The following DPP10 variants were observed in gnomAD, a reference collection of about 807,000 sequenced individuals.
DPP10 encodes dipeptidyl peptidase like 10, also known as inactive dipeptidyl peptidase 10.
In DPP10, 33 loss-of-function variants were observed where a neutral mutation model predicts 120.9. The ratio of observed to expected loss-of-function variants is 0.27; its 90% CI spans 0.21 to 0.37. DPP10 has a LOEUF of 0.37. DPP10 is among the 10% of genes least tolerant of loss of function. The probability of loss-of-function intolerance (pLI) is 1.00; values close to 1 mark genes in which losing one functional copy is unlikely to be tolerated. For synonymous variants in DPP10, 337 were observed against 326.1 expected, an observed-to-expected ratio of 1.03 and a Z score of -0.36; for missense variants, 816 against 942.8, an observed-to-expected ratio of 0.87 and a Z score of 1.76.
At chr2:115,380,426 G>C (rs921634018) in intron 3 of DPP10, among the ~76,000 whole-genome samples, 7 of 151,946 alleles carry the variant, frequency 4.6e-5, no homozygotes, top group African/African-American at 1.7e-4. Flanking sequence ...TCCATCCTTT[G>C]GTTTTGAGCC....
intron 5 of DPP10, among the ~76,000 whole-genome samples, chr2:115,530,499 G>A (rs2078395285): frequency 6.6e-6 from 1 of 151,942 alleles, no homozygotes; most frequent in African/African-American, 2.4e-5. Context: ...GGCCAACATG[G>A]TGAAATGCCA....
At chr2:115,358,931 C>T (rs1278742982) in intron 3 of DPP10, among the ~76,000 whole-genome samples, 1 of 152,052 alleles carries the variant, frequency 6.6e-6, no homozygotes, top group African/African-American at 2.4e-5. Flanking sequence ...TGGATGTAAC[C>T]ACCCCCATGA....
At chr2:115,079,137 T>C (rs111522071) in intron 1 of DPP10, among the ~76,000 whole-genome samples, 8,866 of 152,110 alleles carry the variant, frequency 0.058, 315 homozygotes, top group East Asian at 0.15. Flanking sequence ...TCCCAGCACT[T>C]TGGGGCGCTG....
chr2:115,072,573 C>T (rs1707455868), intron 1 of DPP10, among the ~76,000 whole-genome samples: 2 of 152,108 alleles, frequency 1.3e-5, no homozygotes, highest in South Asian at 4.1e-4. Flanking sequence ...TGAATTAACA[C>T]TTTGCTTAAG....
At chr2:114,996,151 G>C (rs1262783586) in intron 1 of DPP10, among the ~76,000 whole-genome samples, 3 of 152,180 alleles carry the variant, frequency 2.0e-5, no homozygotes, top group Non-Finnish European at 2.9e-5. Context: ...TGTGGAAACT[G>C]AATGGCTTTG....
At chr2:115,002,710 A>G (rs1176250516) in intron 1 of DPP10, among the ~76,000 whole-genome samples, 1 of 152,214 alleles carries the variant, frequency 6.6e-6, no homozygotes, top group Non-Finnish European at 1.5e-5. Context: ...GAACATGAAC[A>G]GACACTTACC....
rs540358020 is a variant in DPP10 at position 114,462,509 on chromosome 2, G to A, written c.60+19671G>A. On this transcript the variant is annotated intron_variant, in intron 1 of 25. Coordinates refer to ENST00000410059, the MANE Select transcript of DPP10 (RefSeq NM_020868.6). ...GATTTTGTAGGATGTGACTCAAGTC[G>A]ATTTTGTCTGATGTTTTTCTCATAA... 3.9e-5 allele frequency among the ~76,000 whole-genome samples: 6 copies of A among 152,268 alleles called. No individual in the cohort carries two copies. In the East Asian group the frequency reaches 9.7e-4, roughly 25 times the overall value.
At chr2:114,871,927 T>A (rs1305937154) in intron 1 of DPP10, among the ~76,000 whole-genome samples, 1 of 152,206 alleles carries the variant, frequency 6.6e-6, no homozygotes, top group Admixed American at 6.5e-5. Context: ...TATTATGAAC[T>A]GTGCATGTGA....
At chr2:115,453,712 G>A (rs552596315) in intron 3 of DPP10, among the ~76,000 whole-genome samples, 63 of 151,402 alleles carry the variant, frequency 4.2e-4, no homozygotes, top group African/African-American at 1.3e-3. Flanking sequence ...AATATCCCTA[G>A]CTTAATCTTA....
chr2:115,392,599 A>G (rs2067392507), intron 3 of DPP10, among the ~76,000 whole-genome samples: 1 of 152,160 alleles, frequency 6.6e-6, no homozygotes, highest in East Asian at 1.9e-4. Context: ...TAATTTATAT[A>G]GGATATTATC....
At chr2:115,668,455 G>C (rs1310985096) in intron 5 of DPP10, among the ~76,000 whole-genome samples, 1 of 152,050 alleles carries the variant, frequency 6.6e-6, no homozygotes, top group Non-Finnish European at 1.5e-5. Flanking sequence ...CCAGATTCTG[G>C]TGTCATGTTC....
intron 1 of DPP10, among the ~76,000 whole-genome samples, chr2:114,907,121 T>G (rs1351908867): frequency 6.7e-6 from 1 of 150,120 alleles, no homozygotes; most frequent in East Asian, 2.0e-4. Context: ...CAGTTTTTTA[T>G]AGTATTCACT....
chr2:115,057,676 T>C (rs534804207), intron 1 of DPP10, among the ~76,000 whole-genome samples: 65 of 152,328 alleles, frequency 4.3e-4, no homozygotes, highest in Non-Finnish European at 8.2e-4. Flanking sequence ...ACCAAGGATG[T>C]GGTAAATTAT....
rs534335423 is a variant in DPP10, at chr2:115,804,723, G to A, written c.1701-10070G>A. ...CCAGACCCTGTTTGCCTGGGTATCAGCAGTGGTGGCTGCAGAACAGTGGAT... is the reference window on the plus strand; with the variant it reads ...CCAGACCCTGTTTGCCTGGGTATCAACAGTGGTGGCTGCAGAACAGTGGAT... On this transcript the variant is annotated intron_variant, in intron 19 of 25. Coordinates refer to ENST00000410059, the MANE Select transcript of DPP10 (RefSeq NM_020868.6). Among the ~76,000 whole-genome samples, 3 of 152,308 alleles carry A rather than the reference G, an allele frequency of 2.0e-5. No homozygotes were observed. The South Asian group carries it at 6.2e-4, about 32-fold the overall frequency.
chr2:114,504,482 C>G (rs990242948), intron 1 of DPP10, among the ~76,000 whole-genome samples: 7 of 152,148 alleles, frequency 4.6e-5, no homozygotes, highest in Non-Finnish European at 7.4e-5. Context: ...TCCTCACCCT[C>G]TATCGTTGTC....
chr2:115,697,791 C>T (rs1449774346), intron 7 of DPP10, among the ~76,000 whole-genome samples: 1 of 151,978 alleles, frequency 6.6e-6, no homozygotes, highest in Non-Finnish European at 1.5e-5. Context: ...CGAGACCATC[C>T]TGGCTAACAC....
chr2:115,781,043 T>A, intron 16 of DPP10, 48 bp downstream of exon 16: 3 of 1,451,892 alleles, frequency 2.1e-6, no homozygotes, highest in Non-Finnish European at 2.8e-6. Context: ...TTCATTGTAT[T>A]TGGTCAATAT....
intron 2 of DPP10, among the ~76,000 whole-genome samples, chr2:115,311,797 G>T (rs185986011): frequency 1.4e-4 from 22 of 152,002 alleles, no homozygotes; most frequent in Non-Finnish European, 2.5e-4. Flanking sequence ...ATGGGGTCTC[G>T]CTCTGTTGCT....
intron 5 of DPP10, among the ~76,000 whole-genome samples, chr2:115,644,836 A>G (rs2087102368): frequency 1.3e-5 from 2 of 152,132 alleles, no homozygotes; most frequent in Admixed American, 1.3e-4. Context: ...GTGTGGGTGG[A>G]GTTAACAGTC....
Sources: gnomAD v4.1 joint callset for allele counts (sites outside exome capture counted in the v4.1 genomes callset) on GRCh38, gnomAD v4.1.1 for gene constraint, MANE v1.5 for transcripts, NCBI Gene and HGNC (gene_info 2026-07-23, HGNC 2026-07-21) for gene names.